Variants in ABCA13 observed in about 807,000 individuals in gnomAD.
ABCA13 encodes ATP binding cassette subfamily A member 13, also known as ATP-binding cassette sub-family A member 13.
ABCA13 carries 476 observed loss-of-function variants against 478.7 expected under a neutral mutation model. The ratio of observed to expected loss-of-function variants is 0.99; its 90% CI spans 0.92 to 1.07. The LOEUF (loss-of-function observed/expected upper bound fraction) is 1.07. ABCA13 is among the 50% of genes least tolerant of loss of function. The pLI is 0.00. For missense variants in ABCA13, 6,060 were observed against 5,910.6 expected (o/e 1.03, Z -0.83); for synonymous variants, 2,252 against 2,158.9 (o/e 1.04, Z -1.20).
At chr7:48,454,493 C>T (rs1013915736) in intron 42 of ABCA13, among the ~76,000 whole-genome samples, 3 of 152,326 alleles carry the variant, frequency 2.0e-5, no homozygotes, top group South Asian at 4.1e-4. Context: ...TTCGCTGCGT[C>T]CCCCAGAGCA....
intron 5 of ABCA13, among the ~76,000 whole-genome samples, chr7:48,226,741 G>A (rs1788264887): frequency 6.6e-6 from 1 of 152,080 alleles, no homozygotes; most frequent in Non-Finnish European, 1.5e-5. Context: ...AGCCATTCTT[G>A]GCATATAATA....
intron 55 of ABCA13, among the ~76,000 whole-genome samples, chr7:48,569,619 C>T (rs973809306): frequency 2.6e-5 from 4 of 151,926 alleles, no homozygotes; most frequent in African/African-American, 4.8e-5. Flanking sequence ...CCACCTCTCA[C>T]GTTCTAGTGA....
At chr7:48,408,657 T>C (rs1234219771) in intron 39 of ABCA13, among the ~76,000 whole-genome samples, 1 of 152,246 alleles carries the variant, frequency 6.6e-6, no homozygotes, top group Non-Finnish European at 1.5e-5. Flanking sequence ...TGTTTTTAAT[T>C]GACACATGAT....
In ABCA13 at chr7:48,427,817, G is replaced by T. The variant is rs750709265; in HGVS notation, c.12511G>T (p.Gly4171Trp). 1 of 1,613,398 alleles carries T rather than the reference G, an allele frequency of 6.2e-7. No homozygotes were observed. The change falls in exon 42 of 62, where the codon GGG (glycine) becomes TGG (tryptophan). Residue 4171 changes from glycine (G) to tryptophan (W), a missense_variant. This residue lies in a region of ABCA13 where 1,627 missense variants were observed against 1,571.0 expected (regional missense o/e 1.04). Coordinates refer to ENST00000435803, the MANE Select transcript of ABCA13 (RefSeq NM_152701.5). Reference protein sequence around the residue: ...DSNKKSHIALGTESELQNHRP... With the variant: ...DSNKKSHIALWTESELQNHRP... The stretch of plus-strand genomic sequence containing the variant: ...CAACAAGAAATCTCACATTGCCCTG[G>T]GGACTGAGTCAGAGCTGCAGAACCA...
At chr7:48,367,695 T>A (rs1440663598) in intron 31 of ABCA13, 99 bp from the exon 32 acceptor site, 3 of 877,292 alleles carry the variant, frequency 3.4e-6, no homozygotes, top group Non-Finnish European at 5.6e-6. Context: ...AAAGGAGATA[T>A]CACTCCTGAA....
intron 20 of ABCA13, among the ~76,000 whole-genome samples, chr7:48,293,200 C>G (rs535419848): frequency 8.1e-5 from 11 of 136,636 alleles, no homozygotes; most frequent in South Asian, 2.8e-4. Context: ...CAGCCCCCCC[C>G]CCGCCACACA....
intron 53 of ABCA13, among the ~76,000 whole-genome samples, 184 bp from the exon 54 acceptor site, chr7:48,524,064 T>G (rs947234246): frequency 2.0e-5 from 3 of 152,290 alleles, no homozygotes; most frequent in South Asian, 4.1e-4. Flanking sequence ...TGTTAGACAA[T>G]AAAAAATGGA....
At chr7:48,499,609 T>TAC (rs1830564527) in intron 48 of ABCA13, among the ~76,000 whole-genome samples, 1 of 152,232 alleles carries the variant, frequency 6.6e-6, no homozygotes, top group African/African-American at 2.4e-5. Context: ...TGTACATTCA[T>TAC]ACATTGCTGT....
At chr7:48,499,641 AGCCG>A (rs1481781083) in intron 48 of ABCA13, among the ~76,000 whole-genome samples, 3 of 152,316 alleles carry the variant, frequency 2.0e-5, no homozygotes, top group Non-Finnish European at 4.4e-5. Flanking sequence ...TGGAAAGAAA[AGCCG>A]GAATATAAAT....
intron 38 of ABCA13, among the ~76,000 whole-genome samples, chr7:48,399,477 G>C (rs369371513): frequency 7.2e-5 from 11 of 152,150 alleles, no homozygotes; most frequent in Non-Finnish European, 1.5e-4. Flanking sequence ...TTTCAAGGTA[G>C]AGTGCATGCA....
At chr7:48,507,080 G>A (rs1249555234) in intron 49 of ABCA13, among the ~76,000 whole-genome samples, 7 of 152,186 alleles carry the variant, frequency 4.6e-5, no homozygotes, top group Non-Finnish European at 8.8e-5. Context: ...AGGAAGCACC[G>A]GTTGGGTTGC....
chr7:48,361,792 T>A (rs1393858408), intron 31 of ABCA13, among the ~76,000 whole-genome samples: 1 of 151,880 alleles, frequency 6.6e-6, no homozygotes, highest in African/African-American at 2.4e-5. Flanking sequence ...ACCCAAGAGC[T>A]GTTTAAATAA....
Position 48,245,572 on chromosome 7 carries a change from T to C in ABCA13, c.1451T>C (p.Leu484Ser). Reference protein sequence around the residue: ...NDFKWFELNQLKLEKDVFFWE... With the variant: ...NDFKWFELNQSKLEKDVFFWE... ...TTTAAATGGTTTGAACTTAACCAATTGAAACTGGAAAAGGATGTGTTCTTT... is the reference window on the plus strand; with the variant it reads ...TTTAAATGGTTTGAACTTAACCAATCGAAACTGGAAAAGGATGTGTTCTTT... The change falls in exon 12 of 62, where the codon TTG (leucine) becomes TCG (serine). Residue 484 changes from leucine (L) to serine (S), a missense_variant. This residue lies in a region of ABCA13 where 4,423 missense variants were observed against 4,309.1 expected (regional missense o/e 1.03). Coordinates refer to ENST00000435803, the MANE Select transcript of ABCA13 (RefSeq NM_152701.5). 1.2e-6 allele frequency: 2 copies of C among 1,613,168 alleles called. No homozygotes were observed. Among genetic ancestry groups the C allele is most frequent in the Non-Finnish European group, 1.7e-6 (2 of 1,179,642 alleles).
chr7:48,599,152 T>A (rs1790607139), intron 58 of ABCA13, among the ~76,000 whole-genome samples: 1 of 152,060 alleles, frequency 6.6e-6, no homozygotes, highest in Admixed American at 6.5e-5. Context: ...TTTTTCATTA[T>A]CTTGAAATAT....
chr7:48,473,490 CG>C (rs1827743517), intron 45 of ABCA13, among the ~76,000 whole-genome samples: 1 of 152,172 alleles, frequency 6.6e-6, no homozygotes, highest in Non-Finnish European at 1.5e-5. Context: ...AAATAAATGC[CG>C]CTGAGGACCT....
intron 43 of ABCA13, among the ~76,000 whole-genome samples, chr7:48,457,043 T>C (rs993620889): frequency 1.4e-4 from 21 of 152,124 alleles, no homozygotes; most frequent in African/African-American, 4.8e-4. Context: ...ACTTACTATA[T>C]GCTAGCTACT....
chr7:48,239,261 G>T lies in ABCA13; in HGVS notation c.918G>T (p.Leu306Phe). Reference sequence around the variant, plus strand: ...GTCAGATTCCCACAGACACTTCCTTGGAGAAGATGGTGTGTTCAGTCTTGT... The same window carrying T: ...GTCAGATTCCCACAGACACTTCCTTTGAGAAGATGGTGTGTTCAGTCTTGT... ...ELKEIPTDTS[L>F]EKMVCSVLSS... Residue 306 changes from leucine (L) to phenylalanine (F), a missense_variant, in exon 9 of 62, where the codon TTG (leucine) becomes TTT (phenylalanine). Coordinates refer to ENST00000435803, the MANE Select transcript of ABCA13 (RefSeq NM_152701.5). 6.2e-7 allele frequency: 1 copy of T among 1,613,866 alleles called. No individual in the cohort carries two copies. The highest frequency in any genetic ancestry group is 8.5e-7 in the Non-Finnish European group (1 of 1,179,834).
intron 55 of ABCA13, among the ~76,000 whole-genome samples, chr7:48,558,699 G>A (rs1786125655): frequency 1.3e-5 from 2 of 152,090 alleles, no homozygotes; most frequent in African/African-American, 4.8e-5. Flanking sequence ...CCTTCTCTAT[G>A]TTATCTTGAA....
Position 48,585,229 on chromosome 7 carries a change from T to C in ABCA13, c.14506-1925T>C, listed in dbSNP as rs566977020. 3.5e-4 allele frequency among the ~76,000 whole-genome samples: 54 copies of C among 152,346 alleles called. 1 individual carries two copies. The South Asian group carries it at 0.01, about 29-fold the overall frequency. On this transcript the variant is annotated intron_variant, in intron 56 of 61. Transcript: ENST00000435803. ...TTGTTTTGATATTTTAAAATTCACT[T>C]AAGTGAATTTTTATTCAACTTGTGA...
Sources: allele counts gnomAD v4.1 joint callset (sites outside exome capture counted in the v4.1 genomes callset), GRCh38; gene constraint gnomAD v4.1.1; regional missense constraint gnomAD v4.1.1; transcripts MANE v1.5; gene names NCBI Gene and HGNC (gene_info 2026-07-23, HGNC 2026-07-21).